Variants in OPRM1 observed in about 807,000 individuals in gnomAD.
OPRM1 encodes mu-type opioid receptor.
OPRM1 carries 27 observed loss-of-function variants against 31.8 expected under a neutral mutation model. That is an observed-to-expected ratio of 0.85 (90% CI 0.63 to 1.17). OPRM1 has a LOEUF of 1.17. OPRM1 is among the 50% of genes most tolerant of loss of function. OPRM1 has a pLI of 0.00. For synonymous variants in OPRM1, 196 were observed against 189.9 expected (o/e 1.03, Z -0.26); for missense variants, 536 against 511.1 (o/e 1.05, Z -0.47).
chr6:154,231,811 C>T (rs982973430), intron 3 of OPRM1, among the ~76,000 whole-genome samples: 5 of 152,188 alleles, frequency 3.3e-5, no homozygotes, highest in East Asian at 3.9e-4. Flanking sequence ...ACTTTGGAAT[C>T]GGGTACATGA....
At chr6:154,069,974 G>T (rs553644281) in intron 1 of OPRM1, among the ~76,000 whole-genome samples, 1 of 152,208 alleles carries the variant, frequency 6.6e-6, no homozygotes, top group South Asian at 2.1e-4. Context: ...GAAGTAGGGG[G>T]GAAATGGTCC....
chr6:154,036,708 T>C (rs570246491), upstream of OPRM1, among the ~76,000 whole-genome samples: 25 of 152,120 alleles, frequency 1.6e-4, 1 homozygote, highest in Admixed American at 1.2e-3. Flanking sequence ...AACTGTGTCA[T>C]TAAAAAAATC....
intron 3 of OPRM1, among the ~76,000 whole-genome samples, chr6:154,183,092 G>A (rs1583730850): frequency 6.6e-6 from 1 of 152,084 alleles, no homozygotes; most frequent in Middle Eastern, 3.4e-3. Flanking sequence ...TGATTCTCCT[G>A]CCTCAGCTTC....
chr6:154,032,635 T>C (rs1316738708), intron 1 of OPRM1, among the ~76,000 whole-genome samples: 1 of 152,144 alleles, frequency 6.6e-6, no homozygotes, highest in Non-Finnish European at 1.5e-5. Context: ...GATTCTGCTA[T>C]GTTGCCCAAG....
At chr6:154,024,192 A>G (rs1583137828) in intron 1 of OPRM1, among the ~76,000 whole-genome samples, 1 of 151,958 alleles carries the variant, frequency 6.6e-6, no homozygotes, top group Admixed American at 6.6e-5. Context: ...TACCGGGAGA[A>G]CTTTATTCTG....
At chr6:154,210,882 A>G (rs1773712066) in intron 3 of OPRM1, among the ~76,000 whole-genome samples, 1 of 152,226 alleles carries the variant, frequency 6.6e-6, no homozygotes, top group South Asian at 2.1e-4. Context: ...TGCTAGCCAA[A>G]TAAATTAGAA....
At chr6:154,234,620 T>TG (rs1779974775) in intron 3 of OPRM1, among the ~76,000 whole-genome samples, 1 of 152,182 alleles carries the variant, frequency 6.6e-6, no homozygotes, top group African/African-American at 2.4e-5. Context: ...CATATTTAGG[T>TG]GGTGACCAAG....
chr6:154,052,925 G>C (rs563013926), intron 1 of OPRM1, among the ~76,000 whole-genome samples: 9 of 152,256 alleles, frequency 5.9e-5, no homozygotes, highest in African/African-American at 1.7e-4. Flanking sequence ...CCACAAACCA[G>C]AACAGTTGCC....
At chr6:154,020,041 T>C (rs1778270455) in intron 1 of OPRM1, among the ~76,000 whole-genome samples, 2 of 152,194 alleles carry the variant, frequency 1.3e-5, no homozygotes, top group African/African-American at 4.8e-5. Context: ...GCTGATAGCT[T>C]ATTTCTTTTT....
intron 3 of OPRM1, among the ~76,000 whole-genome samples, chr6:154,094,507 G>A (rs1457738996): frequency 1.3e-5 from 2 of 152,344 alleles, no homozygotes; most frequent in African/African-American, 2.4e-5. Flanking sequence ...TGGCTGGACC[G>A]TTCTTCCAGT....
intron 3 of OPRM1, among the ~76,000 whole-genome samples, chr6:154,230,296 TG>T (rs1779619809): frequency 6.6e-6 from 1 of 152,144 alleles, no homozygotes; most frequent in Non-Finnish European, 1.5e-5. Flanking sequence ...ATATTGATAA[TG>T]GGGAGGTTGT....
intron 3 of OPRM1, among the ~76,000 whole-genome samples, chr6:154,152,314 A>AAAGAAAGAAAGAAAG (rs1798529199): frequency 3.0e-5 from 2 of 65,682 alleles, no homozygotes; most frequent in East Asian, 6.9e-4. Flanking sequence ...AAAGAAAGAA[A>AAAGAAAGAAAGAAAG]GAAAGAAAGA....
chr6:154,071,405 G>C (rs1021560348), intron 1 of OPRM1, among the ~76,000 whole-genome samples: 11 of 152,186 alleles, frequency 7.2e-5, no homozygotes, highest in African/African-American at 2.7e-4. Flanking sequence ...CCATCTGTCA[G>C]CATCACTGGA....
At chr6:154,010,653 A>C in exon 1 of OPRM1, 4 of 1,488,378 alleles carry the variant, frequency 2.7e-6, no homozygotes, top group South Asian at 2.6e-5. Context: ...CTGAAAACTC[A>C]CTGGAAGATA....
At position 154,222,804 on chromosome 6, in the gene OPRM1, G is replaced by A. The variant is rs148868480; in HGVS notation, c.1165-23889G>A. On this transcript the variant is annotated intron_variant, in intron 3 of 3. Coordinates refer to the OPRM1 transcript ENST00000337049. ...AGAAAGAAAAGCTGGTCTTGCTGGCGTATCTGCAACTCGGGTGAGTCCTAT... is the reference window on the plus strand; with the variant it reads ...AGAAAGAAAAGCTGGTCTTGCTGGCATATCTGCAACTCGGGTGAGTCCTAT... 6.3e-3 allele frequency among the ~76,000 whole-genome samples: 953 copies of A among 152,286 alleles called. 11 individuals are homozygous for A. The highest frequency in any genetic ancestry group is 0.024 in the Middle Eastern group (7 of 294).
chr6:154,112,016 C>T (rs1395577361), intron 3 of OPRM1, among the ~76,000 whole-genome samples: 11 of 152,184 alleles, frequency 7.2e-5, no homozygotes, highest in East Asian at 1.9e-4. Context: ...CCGCCCGCCT[C>T]GGCCTCCCAA....
intron 3 of OPRM1, chr6:154,093,342 C>T: frequency 6.2e-7 from 1 of 1,614,096 alleles, no homozygotes; most frequent in Non-Finnish European, 8.5e-7. Context: ...TGGACCACTG[C>T]AAGGACCTCT....
chr6:154,067,855 T>C (rs1286033475), intron 1 of OPRM1, among the ~76,000 whole-genome samples: 2 of 152,172 alleles, frequency 1.3e-5, no homozygotes, highest in African/African-American at 4.8e-5. Context: ...CTTCTTGCTG[T>C]GAAACATTTA....
At chr6:154,195,359 G>A (rs1296313456) in intron 3 of OPRM1, among the ~76,000 whole-genome samples, 2 of 152,114 alleles carry the variant, frequency 1.3e-5, no homozygotes, top group Non-Finnish European at 2.9e-5. Context: ...ATGTTAGCCA[G>A]GATGGTCTCG....
Sources: allele counts gnomAD v4.1 joint callset (sites outside exome capture counted in the v4.1 genomes callset), GRCh38; gene constraint gnomAD v4.1.1; transcripts MANE v1.5; gene names NCBI Gene and HGNC (gene_info 2026-07-23, HGNC 2026-07-21).